CAMK2D: variants seen among roughly 807,000 people sequenced by gnomAD.
CAMK2D encodes calcium/calmodulin-dependent protein kinase type II subunit delta.
A neutral mutation model predicts 84.0 loss-of-function variants in CAMK2D; 37 were observed. That is an observed-to-expected ratio of 0.44 (90% CI 0.34 to 0.58). CAMK2D has a LOEUF of 0.58. Ranked by LOEUF, CAMK2D falls within the 20% of genes least tolerant of loss-of-function variation. The probability of loss-of-function intolerance (pLI) is 0.02; values close to 1 mark genes in which losing one functional copy is unlikely to be tolerated. For missense variants in CAMK2D, 448 were observed against 652.5 expected, an observed-to-expected ratio of 0.69 and a Z score of 3.41; for synonymous variants, 202 against 212.5, an observed-to-expected ratio of 0.95 and a Z score of 0.43.
intron 4 of CAMK2D, among the ~76,000 whole-genome samples, chr4:113,555,087 G>T (rs1591160609): frequency 6.6e-6 from 1 of 152,264 alleles, no homozygotes; most frequent in South Asian, 2.1e-4. Flanking sequence ...TTGTTCTTCT[G>T]TTTCTAGTGT....
chr4:113,602,580 A>G (rs1372093661), intron 4 of CAMK2D, among the ~76,000 whole-genome samples: 1 of 152,206 alleles, frequency 6.6e-6, no homozygotes, highest in African/African-American at 2.4e-5. Context: ...ACAACCAGCC[A>G]TTATCTGCCA....
Position 113,761,201 on chromosome 4 carries a change from G to A in CAMK2D, c.-133C>T. The A allele has an allele frequency of 6.5e-7, 1 of 1,547,852 alleles. No homozygotes were observed. Among genetic ancestry groups the A allele is most frequent in the East Asian group, 2.4e-5 (1 of 42,216 alleles). On this transcript the variant is annotated 5_prime_UTR_variant, in exon 1 of 21. Coordinates refer to ENST00000511664, the MANE Select transcript of CAMK2D (RefSeq NM_001321571.2). ...TACTTTCCTGGTCCGAAAGTAGCTCGCCCGCGAGGGAGTGTGCGCAGGGGC... is the reference window on the plus strand; with the variant it reads ...TACTTTCCTGGTCCGAAAGTAGCTCACCCGCGAGGGAGTGTGCGCAGGGGC...
At chr4:113,584,398 T>G (rs937157878) in intron 4 of CAMK2D, among the ~76,000 whole-genome samples, 1 of 152,168 alleles carries the variant, frequency 6.6e-6, no homozygotes, top group Non-Finnish European at 1.5e-5. Context: ...TTCCTGAGCT[T>G]CTCTCTTCAC....
At chr4:113,617,034 A>T (rs1017483176) in intron 3 of CAMK2D, among the ~76,000 whole-genome samples, 5 of 152,170 alleles carry the variant, frequency 3.3e-5, no homozygotes, top group African/African-American at 1.2e-4. Context: ...TAAATTTTGC[A>T]TTAATATCAT....
At chr4:113,542,243 A>C (rs114673860) in intron 6 of CAMK2D, among the ~76,000 whole-genome samples, 1,885 of 152,322 alleles carry the variant, frequency 0.012, 51 homozygotes, top group African/African-American at 0.043. Flanking sequence ...TGGCTAAATG[A>C]ATTATTAAAT....
At position 113,681,804 on chromosome 4, in the gene CAMK2D, C is replaced by A. The variant is rs183461500; in HGVS notation, c.161-20032G>T. Among the ~76,000 whole-genome samples the A allele has an allele frequency of 2.9e-4, 44 of 151,982 alleles. 1 individual carries two copies. The highest frequency in any genetic ancestry group is 9.4e-4 in the African/African-American group (39 of 41,460). Reference sequence around the variant, plus strand: ...CTCTCTACTGATATTTAAACGACAACTGAAATATGAATATCTTATTTAAAT... The same window carrying A: ...CTCTCTACTGATATTTAAACGACAAATGAAATATGAATATCTTATTTAAAT... On this transcript the variant is annotated intron_variant, in intron 2 of 20. Transcript: ENST00000511664.
In CAMK2D at chr4:113,621,614, A is replaced by G. The variant is rs539997039; in HGVS notation, c.221-12408T>C. Among the ~76,000 whole-genome samples the G allele has an allele frequency of 2.6e-5, 4 of 152,384 alleles. No individual in the cohort carries two copies. The South Asian group carries it at 6.2e-4, about 24-fold the overall frequency. ...GTACCTAAGATTTTTAAGAAGACAG[A>G]GCACAGTATTATAAGAAATAAGGTT... On this transcript the variant is annotated intron_variant, in intron 3 of 20. Transcript: ENST00000511664.
intron 2 of CAMK2D, among the ~76,000 whole-genome samples, chr4:113,755,356 T>G (rs1273064806): frequency 6.6e-6 from 1 of 151,910 alleles, no homozygotes; most frequent in Non-Finnish European, 1.5e-5. Flanking sequence ...CTTAACTGAT[T>G]AAGCCTGAAG....
At chr4:113,550,550 T>C (rs2098619191) in intron 5 of CAMK2D, among the ~76,000 whole-genome samples, 1 of 152,214 alleles carries the variant, frequency 6.6e-6, no homozygotes, top group African/African-American at 2.4e-5. Flanking sequence ...ATAAAAAATA[T>C]CTTAGAGCTC....
chr4:113,750,784 G>A (rs1272257659), intron 2 of CAMK2D, among the ~76,000 whole-genome samples: 2 of 152,146 alleles, frequency 1.3e-5, no homozygotes, highest in African/African-American at 2.4e-5. Context: ...CCTGAGATAG[G>A]GGGATTGCCT....
At chr4:113,462,265 A>G (rs2097386656) in intron 17 of CAMK2D, among the ~76,000 whole-genome samples, 2 of 93,250 alleles carry the variant, frequency 2.1e-5, no homozygotes, top group Non-Finnish European at 4.2e-5. Context: ...TATATTTGGA[A>G]ATGTGTGTGT....
chr4:113,709,956 A>G (rs1010944388), intron 2 of CAMK2D, among the ~76,000 whole-genome samples: 1 of 150,750 alleles, frequency 6.6e-6, no homozygotes, highest in African/African-American at 2.4e-5. Flanking sequence ...CTTTAACTTC[A>G]TTTATTTCCA....
At chr4:113,523,130 A>G (rs1037182504) in intron 8 of CAMK2D, among the ~76,000 whole-genome samples, 1 of 152,212 alleles carries the variant, frequency 6.6e-6, no homozygotes, top group African/African-American at 2.4e-5. Context: ...CACCCTGATC[A>G]CAGACTTCCA....
At chr4:113,752,653 C>G (rs2099619985) in intron 2 of CAMK2D, among the ~76,000 whole-genome samples, 1 of 151,992 alleles carries the variant, frequency 6.6e-6, no homozygotes, top group African/African-American at 2.4e-5. Flanking sequence ...AGAAGTAATC[C>G]TAGAAACTTA....
At chr4:113,663,611 T>TA (rs1349979341) in intron 2 of CAMK2D, among the ~76,000 whole-genome samples, 2 of 149,256 alleles carry the variant, frequency 1.3e-5, no homozygotes, top group South Asian at 4.2e-4. Context: ...ATAATAATAA[T>TA]AATAATAATA....
intron 3 of CAMK2D, among the ~76,000 whole-genome samples, chr4:113,630,415 G>A (rs1180389437): frequency 6.6e-6 from 1 of 152,140 alleles, no homozygotes; most frequent in Non-Finnish European, 1.5e-5. Context: ...TCTTAGGATT[G>A]TTGACTGCAA....
chr4:113,492,286 T>C (rs908823367), intron 16 of CAMK2D, among the ~76,000 whole-genome samples: 2 of 152,212 alleles, frequency 1.3e-5, no homozygotes, highest in Non-Finnish European at 2.9e-5. Context: ...TTTAGTGCTA[T>C]AAATTTCCCT....
At chr4:113,470,645 GA>G (rs58054814) in intron 16 of CAMK2D, among the ~76,000 whole-genome samples, 1,433 of 139,414 alleles carry the variant, frequency 0.01, 25 homozygotes, top group African/African-American at 0.035. Flanking sequence ...TCAAAAAAAA[GA>G]AAAAAAAAAA....
In CAMK2D at chr4:113,690,944, T is replaced by G. The variant is rs535414411; in HGVS notation, c.161-29172A>C. 7.2e-5 allele frequency among the ~76,000 whole-genome samples: 11 copies of G among 152,358 alleles called. 1 individual carries two copies. The highest frequency in any genetic ancestry group is 4.1e-4 in the South Asian group (2 of 4,832). On this transcript the variant is annotated intron_variant, in intron 2 of 20. Coordinates refer to ENST00000511664, the MANE Select transcript of CAMK2D (RefSeq NM_001321571.2). ...CACAGGAAATATGAGAGATTGTTTA[T>G]GAATGCCCTGAGACCCAAAATGCTT...
Sources: gnomAD v4.1 joint callset for allele counts (sites outside exome capture counted in the v4.1 genomes callset) on GRCh38, gnomAD v4.1.1 for gene constraint, MANE v1.5 for transcripts, NCBI Gene and HGNC (gene_info 2026-07-23, HGNC 2026-07-21) for gene names.